Variants in PRKCB observed in about 807,000 individuals in gnomAD.
The protein encoded by PRKCB is protein kinase C beta type.
A neutral mutation model predicts 81.5 loss-of-function variants in PRKCB; 13 were observed. The observed-to-expected ratio is 0.16, with a 90% CI of 0.10 to 0.25. PRKCB has a LOEUF of 0.25. PRKCB is among the 10% of genes least tolerant of loss of function. PRKCB has a pLI of 1.00. For missense variants in PRKCB, 509 were observed against 875.7 expected (o/e 0.58, Z 5.29); for synonymous variants, 335 against 321.4 (o/e 1.04, Z -0.45).
At position 24,181,219 on chromosome 16, in the gene PRKCB, C is replaced by T. The variant is rs200083336; in HGVS notation, c.1533+291C>T. 2.0e-4 allele frequency among the ~76,000 whole-genome samples: 31 copies of T among 152,260 alleles called. No individual in the cohort carries two copies. In the East Asian group the frequency reaches 3.5e-3, roughly 17 times the overall value. The stretch of plus-strand genomic sequence containing the variant: ...TTCTTCGTCAAACTGTTGTGGCTCA[C>T]GGCCATGTGATACCGCCTAATTATG... On this transcript the variant is annotated intron_variant, in intron 13 of 16. Transcript: ENST00000643927.
chr16:23,976,023 A>G (rs981045766), intron 2 of PRKCB, among the ~76,000 whole-genome samples: 1 of 152,146 alleles, frequency 6.6e-6, no homozygotes, highest in Non-Finnish European at 1.5e-5. Context: ...TCTCAAAAAA[A>G]CTTTTCCTTG....
intron 2 of PRKCB, among the ~76,000 whole-genome samples, chr16:23,844,066 A>G (rs1007849334): frequency 2.0e-5 from 3 of 152,270 alleles, no homozygotes; most frequent in African/African-American, 7.2e-5. Flanking sequence ...ACAGGTCATT[A>G]AATTACTAAG....
rs557027092 is a variant in PRKCB, at chr16:23,972,123, A to C, written c.206-16385A>C. On this transcript the variant is annotated intron_variant, in intron 2 of 16. Transcript: ENST00000643927. ...CAGCAGTAAAGATGAACTAACTGCT[A>C]ATACAGACACGTGCATGCGCGAGTC... 2.6e-5 allele frequency among the ~76,000 whole-genome samples: 4 copies of C among 152,336 alleles called. No individual in the cohort carries two copies. The East Asian group carries it at 5.8e-4, about 22-fold the overall frequency.
chr16:23,844,729 G>A lies in PRKCB; in HGVS notation c.205+7323G>A, dbSNP rs886472313. 5.3e-5 allele frequency among the ~76,000 whole-genome samples: 8 copies of A among 150,162 alleles called. No individual in the cohort carries two copies. The East Asian group carries it at 1.2e-3, about 22-fold the overall frequency. The stretch of plus-strand genomic sequence containing the variant: ...TCACCATGTTAGCCAGGATGGTATC[G>A]ATCTCCTGACATTGTGATCCTCCTG... On this transcript the variant is annotated intron_variant, in intron 2 of 16. Coordinates refer to ENST00000643927, the MANE Select transcript of PRKCB (RefSeq NM_002738.7).
At position 24,024,061 on chromosome 16, in the gene PRKCB, C is replaced by T. The variant is rs150797426; in HGVS notation, c.289-8075C>T. On this transcript the variant is annotated intron_variant, in intron 3 of 16. Transcript: ENST00000643927. ...GGCAGGATGCCAGAACCCCAGGGAC[C>T]AGAACCAGGAGCTTCATCCCTGGGG... Among the ~76,000 whole-genome samples the T allele has an allele frequency of 9.2e-5, 14 of 152,308 alleles. No individual in the cohort carries two copies. The East Asian group carries it at 2.7e-3, about 29-fold the overall frequency.
At chr16:23,900,913 G>A (rs1963462303) in intron 2 of PRKCB, among the ~76,000 whole-genome samples, 1 of 151,790 alleles carries the variant, frequency 6.6e-6, no homozygotes, top group Non-Finnish European at 1.5e-5. Flanking sequence ...AGGTTAAGAT[G>A]GCATGTGCAT....
chr16:24,174,281 C>T (rs1473604863), intron 11 of PRKCB: 2 of 497,798 alleles, frequency 4.0e-6, no homozygotes, highest in African/African-American at 3.8e-5. Context: ...CCCTTCTCCA[C>T]TATACAATTG....
Position 24,219,085 on chromosome 16 carries a change from G to A in PRKCB, c.*4269G>A. 1 of 985,424 alleles carries A rather than the reference G, an allele frequency of 1.0e-6. No individual in the cohort carries two copies. Among genetic ancestry groups the A allele is most frequent in the Non-Finnish European group, 1.2e-6 (1 of 829,958 alleles). 61.0% of individuals were successfully genotyped at this position (985,424 alleles called of 1,614,324 possible). On this transcript the variant is annotated 3_prime_UTR_variant, in exon 17 of 17. Transcript: ENST00000643927. ...TTGCAAGGACCCTGAAGAGGTCGGA[G>A]CATCATACAGATTCCTTTATTAGCC...
chr16:24,106,500 A>AT (rs958988529), intron 7 of PRKCB, among the ~76,000 whole-genome samples: 1 of 152,184 alleles, frequency 6.6e-6, no homozygotes, highest in Admixed American at 6.5e-5. Flanking sequence ...GGTACCTTGC[A>AT]TTTTTCACCT....
intron 15 of PRKCB, among the ~76,000 whole-genome samples, chr16:24,185,954 G>A (rs953189962): frequency 6.6e-6 from 1 of 152,232 alleles, no homozygotes; most frequent in Non-Finnish European, 1.5e-5. Flanking sequence ...TCTGCTGTAT[G>A]TGTTTAGTTA....
At chr16:24,213,580 G>T in intron 16 of PRKCB, among the ~76,000 whole-genome samples, 1 of 152,202 alleles carries the variant, frequency 6.6e-6, no homozygotes, top group Non-Finnish European at 1.5e-5. Context: ...TATAGCAAAT[G>T]CATAATAAAT....
intron 3 of PRKCB, among the ~76,000 whole-genome samples, chr16:24,023,164 G>A (rs575758737): frequency 6.6e-6 from 1 of 151,842 alleles, no homozygotes; most frequent in Non-Finnish European, 1.5e-5. Context: ...GGGCTCAAGC[G>A]ATCTTCCCAC....
chr16:24,206,684 C>T (rs1178948057), intron 16 of PRKCB, among the ~76,000 whole-genome samples: 1 of 151,952 alleles, frequency 6.6e-6, no homozygotes, highest in Non-Finnish European at 1.5e-5. Flanking sequence ...CCTGGCCCTT[C>T]TTGGGTTCCT....
At chr16:24,027,275 G>A (rs1054929454) in intron 3 of PRKCB, among the ~76,000 whole-genome samples, 2 of 152,148 alleles carry the variant, frequency 1.3e-5, no homozygotes, top group Admixed American at 1.3e-4. Context: ...TCCTTTTTAG[G>A]TGGGTTTGAA....
chr16:23,915,820 A>G (rs1477677959), intron 2 of PRKCB, among the ~76,000 whole-genome samples: 1 of 150,180 alleles, frequency 6.7e-6, no homozygotes, highest in Admixed American at 6.6e-5. Flanking sequence ...AAAGAGAAGA[A>G]AATAAAAATC....
At chr16:24,049,047 G>GTTTTTTTTTTTTTTTTTTTT in intron 5 of PRKCB, among the ~76,000 whole-genome samples, 1 of 49,692 alleles carries the variant, frequency 2.0e-5, no homozygotes, top group Non-Finnish European at 3.5e-5. Flanking sequence ...AAATTGGCCT[G>GTTTTTTTTTTTTTTTTTTTT]TTTTTTTTTT....
At chr16:23,856,039 T>C (rs1962560491) in intron 2 of PRKCB, among the ~76,000 whole-genome samples, 3 of 152,206 alleles carry the variant, frequency 2.0e-5, no homozygotes, top group Admixed American at 2.0e-4. Flanking sequence ...TTTCAAACTA[T>C]ACCTTGGTTC....
At position 24,219,475 on chromosome 16, in the gene PRKCB, T is replaced by C. The variant is rs906133899; in HGVS notation, c.*4659T>C. 2.9e-5 allele frequency: 29 copies of C among 986,632 alleles called. No homozygotes were observed. The highest frequency in any genetic ancestry group is 3.5e-5 in the Non-Finnish European group (29 of 830,916). The allele number at this position is 986,632 out of a possible 1,614,324, so 61.1% of individuals were successfully genotyped here. A position where few individuals can be genotyped will look rare whatever the true frequency, so the allele number is the denominator to read the frequency against. On this transcript the variant is annotated 3_prime_UTR_variant, in exon 17 of 17. Transcript: ENST00000643927. ...TTCTCCACATGGCCATTCTGCCTTC[T>C]TGGGGGCAGAGTAGATGGGCAGCAG...
intron 10 of PRKCB, among the ~76,000 whole-genome samples, chr16:24,161,106 T>C (rs536431172): frequency 6.6e-5 from 10 of 152,244 alleles, no homozygotes; most frequent in African/African-American, 2.2e-4. Context: ...AGATTCTTAA[T>C]AGGCTCTTAA....
Sources: allele counts gnomAD v4.1 joint callset (sites outside exome capture counted in the v4.1 genomes callset), GRCh38; gene constraint gnomAD v4.1.1; transcripts MANE v1.5; gene names NCBI Gene and HGNC (gene_info 2026-07-23, HGNC 2026-07-21).